PDZRN4: variants seen among roughly 807,000 people sequenced by gnomAD.
PDZRN4 encodes the protein PDZ domain containing ring finger 4, also known as PDZ domain-containing RING finger protein 4.
Under a neutral mutation model 99.0 loss-of-function variants are expected in PDZRN4, and 70 were observed. The ratio of observed to expected loss-of-function variants is 0.71; its 90% CI spans 0.58 to 0.86. The LOEUF (loss-of-function observed/expected upper bound fraction) is 0.86. Ranked by LOEUF, PDZRN4 falls within the 40% of genes least tolerant of loss-of-function variation. PDZRN4 has a pLI of 0.00. For missense variants in PDZRN4, 1,474 were observed against 1,331.2 expected (o/e 1.11, Z -1.67); for synonymous variants, 551 against 501.6 (o/e 1.10, Z -1.32).
intron 3 of PDZRN4, among the ~76,000 whole-genome samples, chr12:41,198,958 C>T (rs1214016712): frequency 6.6e-6 from 1 of 152,014 alleles, no homozygotes; most frequent in Non-Finnish European, 1.5e-5. Flanking sequence ...ATCTGTACTG[C>T]TAAAATGAAA....
chr12:41,456,016 C>T (rs1952814139), intron 3 of PDZRN4, among the ~76,000 whole-genome samples: 1 of 152,208 alleles, frequency 6.6e-6, no homozygotes. Context: ...TTTCTTTCAG[C>T]ATTATCTCTC....
At chr12:41,257,017 T>C (rs1286670196) in intron 3 of PDZRN4, among the ~76,000 whole-genome samples, 4 of 152,216 alleles carry the variant, frequency 2.6e-5, no homozygotes, top group Non-Finnish European at 5.9e-5. Context: ...TCAACCCAGC[T>C]TAGGCTACAT....
chr12:41,293,383 C>A (rs1409947007), intron 3 of PDZRN4, among the ~76,000 whole-genome samples: 1 of 151,492 alleles, frequency 6.6e-6, no homozygotes, highest in South Asian at 2.1e-4. Context: ...AGTGACTGAG[C>A]TAGCTCCTTC....
chr12:41,482,715 C>G (rs1024092529), intron 3 of PDZRN4, among the ~76,000 whole-genome samples: 2 of 151,990 alleles, frequency 1.3e-5, no homozygotes, highest in Non-Finnish European at 2.9e-5. Context: ...TCTACTGTAC[C>G]TCAGCTGAGT....
At chr12:41,361,668 G>A (rs774607865) in intron 3 of PDZRN4, among the ~76,000 whole-genome samples, 2 of 152,044 alleles carry the variant, frequency 1.3e-5, no homozygotes, top group African/African-American at 4.8e-5. Flanking sequence ...CACAACTGAA[G>A]TTTAGAAATG....
chr12:41,428,709 G>T (rs1386346831), intron 3 of PDZRN4, among the ~76,000 whole-genome samples: 2 of 152,158 alleles, frequency 1.3e-5, no homozygotes, highest in Non-Finnish European at 2.9e-5. Context: ...GGCAAGATGG[G>T]CTTACAAATG....
intron 9 of PDZRN4, among the ~76,000 whole-genome samples, chr12:41,569,864 T>A (rs955886998): frequency 6.6e-6 from 1 of 152,212 alleles, no homozygotes; most frequent in African/African-American, 2.4e-5. Flanking sequence ...GTGGTGACTG[T>A]CTTTCAATAT....
chr12:41,201,407 A>C (rs1950815540), intron 3 of PDZRN4, among the ~76,000 whole-genome samples: 1 of 151,970 alleles, frequency 6.6e-6, no homozygotes, highest in Non-Finnish European at 1.5e-5. Context: ...TCACTTTCAT[A>C]GCATTTTCTT....
intron 3 of PDZRN4, among the ~76,000 whole-genome samples, chr12:41,488,956 C>T (rs573181130): frequency 3.9e-5 from 6 of 152,138 alleles, no homozygotes; most frequent in Non-Finnish European, 8.8e-5. Flanking sequence ...TCTCACCCTC[C>T]GGGGCAAGTT....
chr12:41,290,855 T>C (rs1185905358), intron 3 of PDZRN4, among the ~76,000 whole-genome samples: 1 of 152,118 alleles, frequency 6.6e-6, no homozygotes, highest in African/African-American at 2.4e-5. Flanking sequence ...TTCATATTCA[T>C]TTACAAAAAT....
intron 3 of PDZRN4, among the ~76,000 whole-genome samples, chr12:41,477,134 T>A (rs977232592): frequency 2.6e-5 from 4 of 152,192 alleles, no homozygotes; most frequent in African/African-American, 9.7e-5. Flanking sequence ...ATATATTGTC[T>A]AGGACACATG....
intron 3 of PDZRN4, among the ~76,000 whole-genome samples, chr12:41,419,675 T>C (rs947724019): frequency 3.3e-5 from 5 of 152,188 alleles, no homozygotes; most frequent in Admixed American, 6.5e-5. Context: ...TAGATCATTA[T>C]AAAGTATTTT....
intron 3 of PDZRN4, among the ~76,000 whole-genome samples, chr12:41,363,485 G>T (rs527874945): frequency 3.9e-5 from 6 of 152,158 alleles, no homozygotes; most frequent in African/African-American, 1.2e-4. Flanking sequence ...ATTTGTTCAG[G>T]TGCATTTGTT....
At position 41,512,250 on chromosome 12, in the gene PDZRN4, C is replaced by T. The variant is rs151276402; in HGVS notation, c.1203+2337C>T. Among the ~76,000 whole-genome samples, 746 of 152,178 alleles carry T rather than the reference C, an allele frequency of 4.9e-3. 1 individual carries two copies. Among genetic ancestry groups the T allele is most frequent in the Middle Eastern group, 0.01 (3 of 294 alleles). ...ATCTATGCATGGGATTAGGAAGCTC[C>T]TGCCCCAGTGGAAGGAGCTTCTAGG... On this transcript the variant is annotated intron_variant, in intron 5 of 9. Coordinates refer to ENST00000402685, the MANE Select transcript of PDZRN4 (RefSeq NM_001164595.2).
chr12:41,564,343 G>A (rs1048076725), intron 8 of PDZRN4, among the ~76,000 whole-genome samples: 5 of 151,848 alleles, frequency 3.3e-5, no homozygotes, highest in African/African-American at 1.2e-4. Flanking sequence ...TGAAAGTAGA[G>A]TAAAGGTAAT....
intron 3 of PDZRN4, among the ~76,000 whole-genome samples, chr12:41,460,999 C>T (rs1952867848): frequency 6.6e-6 from 1 of 152,146 alleles, no homozygotes; most frequent in African/African-American, 2.4e-5. Flanking sequence ...TCAGACACAG[C>T]TTTAGCTTTT....
intron 3 of PDZRN4, among the ~76,000 whole-genome samples, chr12:41,369,989 G>A (rs774114432): frequency 5.9e-5 from 9 of 151,532 alleles, no homozygotes; most frequent in Non-Finnish European, 1.3e-4. Flanking sequence ...CTACAATCTA[G>A]AATAAATATT....
intron 3 of PDZRN4, among the ~76,000 whole-genome samples, chr12:41,304,546 CAAATCATTGT>C (rs2120936682): frequency 6.6e-6 from 1 of 152,216 alleles, no homozygotes; most frequent in African/African-American, 2.4e-5. Flanking sequence ...TGGAGGGCCA[CAAATCATTGT>C]AAGAGCTAAG....
intron 3 of PDZRN4, among the ~76,000 whole-genome samples, chr12:41,410,338 G>T (rs1171064464): frequency 2.0e-5 from 3 of 152,080 alleles, no homozygotes; most frequent in African/African-American, 7.2e-5. Context: ...CATACTCACA[G>T]ATACATACAT....
Sources: allele counts gnomAD v4.1 joint callset (sites outside exome capture counted in the v4.1 genomes callset), GRCh38; gene constraint gnomAD v4.1.1; transcripts MANE v1.5; gene names NCBI Gene and HGNC (gene_info 2026-07-23, HGNC 2026-07-21).